MTR: variants seen among roughly 807,000 people sequenced by gnomAD.
MTR encodes the protein 5-methyltetrahydrofolate-homocysteine methyltransferase, also known as methionine synthase.
In MTR, 84 loss-of-function variants were observed where a neutral mutation model predicts 154.8. The observed-to-expected ratio is 0.54, with a 90% CI of 0.45 to 0.65. The LOEUF (loss-of-function observed/expected upper bound fraction) is 0.65, where lower values mean the gene tolerates loss of function less well. Among genes scored for constraint, MTR ranks in the 30% least tolerant of loss-of-function variants. The probability of loss-of-function intolerance (pLI) is 0.00; values close to 1 mark genes in which losing one functional copy is unlikely to be tolerated. For missense variants in MTR, 1,275 were observed against 1,570.2 expected, an observed-to-expected ratio of 0.81 and a Z score of 3.18; for synonymous variants, 554 against 553.9, an observed-to-expected ratio of 1.00 and a Z score of 0.00.
At chr1:236,854,608 T>C (rs1206306479) in intron 18 of MTR, among the ~76,000 whole-genome samples, 1 of 152,216 alleles carries the variant, frequency 6.6e-6, no homozygotes, top group African/African-American at 2.4e-5. Context: ...ATAGCCTCTA[T>C]TGCCATGAAG....
Position 236,835,701 on chromosome 1 carries a change from T to C in MTR, c.1329+14T>C, listed in dbSNP as rs538129012. ...GACATCGCAAAGGTTATACAAAGTT[T>C]ATGTTTATCAGGGGGATTTACTTGT... On this transcript the variant is annotated intron_variant, in intron 14 of 32. Transcript: ENST00000366577. The C allele has an allele frequency of 6.8e-6, 11 of 1,613,538 alleles. No individual in the cohort carries two copies. In the Admixed American group the frequency reaches 1.5e-4, roughly 22 times the overall value.
intron 1 of MTR, among the ~76,000 whole-genome samples, chr1:236,800,837 C>T (rs137873371): frequency 6.6e-6 from 1 of 152,324 alleles, no homozygotes; most frequent in Non-Finnish European, 1.5e-5. Context: ...CACATGGTCT[C>T]ATTTTAGTAT....
rs1191811433 is a variant in MTR at position 236,838,473 on chromosome 1, C to T, written c.1389C>T (p.Cys463=). ...FAVIEAGLKC[C]QGKCIVNSIS... ...TGATTGAAGCTGGGTTAAAGTGCTGCCAAGGGAAGTGCATTGTCAATAGCA... is the reference window on the plus strand; with the variant it reads ...TGATTGAAGCTGGGTTAAAGTGCTGTCAAGGGAAGTGCATTGTCAATAGCA... The change falls in exon 15 of 33, where the codon TGC becomes TGT. Residue 463 remains cysteine (C), a synonymous_variant. Transcript: ENST00000366577. The T allele has an allele frequency of 6.2e-7, 1 of 1,613,896 alleles. No individual in the cohort carries two copies. Among genetic ancestry groups the T allele is most frequent in the African/African-American group, 1.3e-5 (1 of 74,872 alleles).
intron 31 of MTR, among the ~76,000 whole-genome samples, chr1:236,896,520 G>C (rs1666632211): frequency 6.6e-6 from 1 of 152,146 alleles, no homozygotes; most frequent in Non-Finnish European, 1.5e-5. Context: ...TATCCTTGAG[G>C]GTCTGTTTGA....
chr1:236,823,295 T>A (rs1385751993), intron 8 of MTR, among the ~76,000 whole-genome samples: 3 of 152,238 alleles, frequency 2.0e-5, no homozygotes, highest in Non-Finnish European at 4.4e-5. Flanking sequence ...ACTTACAGTT[T>A]AGCATCCTTA....
At chr1:236,859,961 A>AT (rs1238448706) in intron 19 of MTR, 39 bp downstream of exon 19, 3 of 1,554,716 alleles carry the variant, frequency 1.9e-6, no homozygotes, top group Non-Finnish European at 2.7e-6. Context: ...CTGGAGGCTC[A>AT]TCATGGCTGA....
intron 19 of MTR, 33 bp downstream of exon 19, chr1:236,859,955 A>T (rs1044188928): frequency 7.6e-6 from 12 of 1,569,756 alleles, no homozygotes; most frequent in Non-Finnish European, 9.6e-6. Context: ...GGAGGGCTGG[A>T]GGCTCATCAT....
chr1:236,866,266 C>T (rs1214157301), intron 22 of MTR, among the ~76,000 whole-genome samples: 1 of 152,092 alleles, frequency 6.6e-6, no homozygotes, highest in African/African-American at 2.4e-5. Flanking sequence ...CACAATATTT[C>T]AAACCTTATT....
At chr1:236,850,102 T>G (rs1177983570) in intron 15 of MTR, among the ~76,000 whole-genome samples, 1 of 152,198 alleles carries the variant, frequency 6.6e-6, no homozygotes, top group African/African-American at 2.4e-5. Flanking sequence ...CAAAGAGATC[T>G]TTAAACCAGT....
chr1:236,806,264 A>G, intron 3 of MTR, 31 bp downstream of exon 3: 2 of 1,572,182 alleles, frequency 1.3e-6, no homozygotes, highest in African/African-American at 2.7e-5. Context: ...TGTGTCTAAG[A>G]TGCTTACGAG....
intron 11 of MTR, among the ~76,000 whole-genome samples, chr1:236,828,375 T>C (rs1294512989): frequency 6.6e-6 from 1 of 152,228 alleles, no homozygotes; most frequent in African/African-American, 2.4e-5. Context: ...CTTTTTGTTT[T>C]GTTTCCTCTT....
At chr1:236,889,458 T>C in intron 28 of MTR, 122 bp downstream of exon 28, 1 of 1,339,138 alleles carries the variant, frequency 7.5e-7, no homozygotes, top group East Asian at 2.3e-5. Context: ...TGCTTTCATA[T>C]TGCTCACCTG....
chr1:236,796,606 C>G (rs1380100920), intron 1 of MTR, among the ~76,000 whole-genome samples: 1 of 150,676 alleles, frequency 6.6e-6, no homozygotes, highest in Admixed American at 6.6e-5. Context: ...ACCGGTGACT[C>G]TCTTGATTCT....
chr1:236,878,359 A>G (rs1456771001), intron 24 of MTR, among the ~76,000 whole-genome samples: 1 of 152,200 alleles, frequency 6.6e-6, no homozygotes, highest in Non-Finnish European at 1.5e-5. Context: ...AGGACTTAGC[A>G]GTAGCTCATT....
At chr1:236,807,501 C>T (rs1292970463) in intron 3 of MTR, among the ~76,000 whole-genome samples, 1 of 152,156 alleles carries the variant, frequency 6.6e-6, no homozygotes, top group African/African-American at 2.4e-5. Context: ...TTCCCACTAA[C>T]AGTGAACAAG....
intron 4 of MTR, among the ~76,000 whole-genome samples, chr1:236,809,018 C>T (rs1229447903): frequency 1.3e-5 from 2 of 152,186 alleles, no homozygotes; most frequent in Admixed American, 1.3e-4. Context: ...CCTGGGTTAG[C>T]CTGACTTTGT....
At position 236,815,673 on chromosome 1, in the gene MTR, A is replaced by G. The variant is rs1318005760; in HGVS notation, c.669+10A>G. The G allele has an allele frequency of 4.4e-6, 7 of 1,588,152 alleles. No individual in the cohort carries two copies. In the African/African-American group the frequency reaches 4.8e-5, roughly 11 times the overall value. Reference sequence around the variant, plus strand: ...TCCCCGGCCTATCTTTGTAAGTTCTAAAGTGTTTGCACAATACATTCTTTT... The same window carrying G: ...TCCCCGGCCTATCTTTGTAAGTTCTGAAGTGTTTGCACAATACATTCTTTT... On this transcript the variant is annotated intron_variant, in intron 7 of 32. Transcript: ENST00000366577.
intron 22 of MTR, among the ~76,000 whole-genome samples, chr1:236,866,321 A>G (rs1664821577): frequency 6.6e-6 from 1 of 152,108 alleles, no homozygotes; most frequent in South Asian, 2.1e-4. Context: ...CAGTGTTACT[A>G]TTTTAATTGT....
At chr1:236,843,538 T>C (rs894377186) in intron 15 of MTR, among the ~76,000 whole-genome samples, 1 of 152,202 alleles carries the variant, frequency 6.6e-6, no homozygotes, top group East Asian at 1.9e-4. Flanking sequence ...ATCTGACTTA[T>C]GTTTAAACCT....
Sources: gnomAD v4.1 joint callset for allele counts (sites outside exome capture counted in the v4.1 genomes callset) on GRCh38, gnomAD v4.1.1 for gene constraint, MANE v1.5 for transcripts, NCBI Gene and HGNC (gene_info 2026-07-23, HGNC 2026-07-21) for gene names.